The following RFX1 variants were observed in gnomAD, a reference collection of about 807,000 sequenced individuals.
RFX1 encodes MHC class II regulatory factor RFX1.
In RFX1, 42 loss-of-function variants were observed where a neutral mutation model predicts 119.6. The ratio of observed to expected loss-of-function variants is 0.35; its 90% CI spans 0.27 to 0.45. The LOEUF is 0.45. Among genes scored for constraint, RFX1 ranks in the 20% least tolerant of loss-of-function variants. RFX1 has a pLI of 1.00. For missense variants in RFX1, 1,118 were observed against 1,368.1 expected (o/e 0.82, Z 2.88); for synonymous variants, 628 against 618.5 (o/e 1.02, Z -0.23).
At position 13,963,518 on chromosome 19, in the gene RFX1, C is replaced by G. The variant is rs1324816276; in HGVS notation, c.2570+20G>C. On this transcript the variant is annotated intron_variant, in intron 18 of 20. Coordinates refer to ENST00000254325, the MANE Select transcript of RFX1 (RefSeq NM_002918.5). Reference sequence around the variant, plus strand: ...GGCCTTCCCTGGTGCCGCCCGGACCCGATCCCGCCGCGCGCGCACCTGTAG... The same window carrying G: ...GGCCTTCCCTGGTGCCGCCCGGACCGGATCCCGCCGCGCGCGCACCTGTAG... The G allele has an allele frequency of 9.4e-6, 15 of 1,588,718 alleles. No homozygotes were observed. Among genetic ancestry groups the G allele is most frequent in the South Asian group, 1.1e-5 (1 of 88,836 alleles).
chr19:13,970,661 CAAAAAAAAAA>C (rs1167910642), intron 9 of RFX1, among the ~76,000 whole-genome samples: 1,063 of 25,714 alleles, frequency 0.041, 21 homozygotes, highest in Middle Eastern at 0.13. Flanking sequence ...GACCTTGTCT[CAAAAAAAAAA>C]AAAAAAAAAA....
chr19:13,990,459 T>C lies in RFX1; in HGVS notation c.319+3066A>G, dbSNP rs1048058692. On this transcript the variant is annotated intron_variant, in intron 2 of 20. Coordinates refer to ENST00000254325, the MANE Select transcript of RFX1 (RefSeq NM_002918.5). This position sits in a 1 kb window ranked among gnomAD's most constrained non-coding sequence, Gnocchi z 4.1. Reference sequence around the variant, plus strand: ...ACTTTGGGAGGCTGAAGTGGGAGAATTGTTTGAGGCCAGGAGTTCAAGACC... The same window carrying C: ...ACTTTGGGAGGCTGAAGTGGGAGAACTGTTTGAGGCCAGGAGTTCAAGACC... Among the ~76,000 whole-genome samples, 7 of 152,084 alleles carry C rather than the reference T, an allele frequency of 4.6e-5. No homozygotes were observed. Among genetic ancestry groups the C allele is most frequent in the East Asian group, 1.9e-4 (1 of 5,166 alleles).
intron 2 of RFX1, among the ~76,000 whole-genome samples, chr19:13,987,094 C>G (rs561342605): frequency 6.6e-6 from 1 of 152,242 alleles, no homozygotes; most frequent in Non-Finnish European, 1.5e-5. Context: ...CCCCCTAGAA[C>G]TCCAAGTGAG....
chr19:13,994,199 G>A (rs774649356), intron 1 of RFX1, among the ~76,000 whole-genome samples: 1 of 152,026 alleles, frequency 6.6e-6, no homozygotes, highest in Non-Finnish European at 1.5e-5. Context: ...ACATAGGATC[G>A]CATTTCCCCA....
At position 13,963,295 on chromosome 19, in the gene RFX1, G is replaced by T; in HGVS notation, c.2571-20C>A. On this transcript the variant is annotated intron_variant, in intron 18 of 20. Coordinates refer to ENST00000254325, the MANE Select transcript of RFX1 (RefSeq NM_002918.5). ...ATGGAGCTGGGGATGGAGACGGAGA[G>T]GAGACCGTCAGGCCCCGTCCGGCCC... is the stretch of plus-strand genomic sequence containing the variant. 6.2e-7 allele frequency: 1 copy of T among 1,600,876 alleles called. No individual in the cohort carries two copies. Among genetic ancestry groups the T allele is most frequent in the Non-Finnish European group, 8.5e-7 (1 of 1,176,972 alleles).
In RFX1 at chr19:13,968,916, AGGGCT is replaced by A. The variant is rs1206364998; in HGVS notation, c.1497-27_1497-23del. 6 of 1,514,648 alleles carry A rather than the reference AGGGCT, an allele frequency of 4.0e-6. No individual in the cohort carries two copies. Among genetic ancestry groups the A allele is most frequent in the Non-Finnish European group, 5.4e-6 (6 of 1,120,210 alleles). The allele number at this position is 1,514,648 out of a possible 1,614,324, so 93.8% of individuals were successfully genotyped here. ...GCCCCTGGGAGGGAGGTGGAGGGGA[AGGGCT>A]GGGCTGGGGGTCTGCCGGCTGGCCG... On this transcript the variant is annotated intron_variant, in intron 10 of 20. Transcript: ENST00000254325. This position sits in a 1 kb window ranked among gnomAD's most constrained non-coding sequence, Gnocchi z 5.5.
At position 13,979,466 on chromosome 19, in the gene RFX1, G is replaced by A; in HGVS notation, c.815C>T (p.Pro272Leu). 3 of 1,598,710 alleles carry A rather than the reference G, an allele frequency of 1.9e-6. No homozygotes were observed. In the South Asian group the frequency reaches 3.4e-5, roughly 18 times the overall value. ...VQPLTVQGLQ[P>L]VHVAQEVQQL... ...ACACACCTCTTGAGCCACGTGGACTGGCTGGAGGCCCTGCACGGTCAGCGG... is the reference window on the plus strand; with the variant it reads ...ACACACCTCTTGAGCCACGTGGACTAGCTGGAGGCCCTGCACGGTCAGCGG... The change falls in exon 7 of 21, where the codon CCA becomes CTA. Residue 272 changes from proline to leucine, a missense_variant. By Grantham distance (98) the Pro-to-Leu change is moderately conservative. This residue lies in a region of RFX1 where 542 missense variants were observed against 602.7 expected (regional missense o/e 0.90). Coordinates refer to ENST00000254325, the MANE Select transcript of RFX1 (RefSeq NM_002918.5).
At position 13,962,569 on chromosome 19, in the gene RFX1, C is replaced by T; in HGVS notation, c.*126G>A. ...CATAAGGGAGGAGGGCCCCGGTCTT[C>T]CCTGTCTCGGAGTCCCCCTCCCTGC... On this transcript the variant is annotated 3_prime_UTR_variant, in exon 21 of 21. Transcript: ENST00000254325. The T allele has an allele frequency of 2.6e-6, 2 of 775,648 alleles. No homozygotes were observed. The highest frequency in any genetic ancestry group is 3.9e-6 in the Non-Finnish European group (2 of 511,446). The allele number at this position is 775,648 out of a possible 1,614,324, so 48.0% of individuals were successfully genotyped here.
chr19:13,984,912 T>C (rs1020836728), intron 2 of RFX1, among the ~76,000 whole-genome samples: 8 of 152,102 alleles, frequency 5.3e-5, no homozygotes, highest in African/African-American at 1.9e-4. Context: ...CAGGCTGGAG[T>C]GCAGTAGCAC....
intron 7 of RFX1, 117 bp from the exon 8 acceptor site, chr19:13,978,203 G>A (rs1261567575): frequency 2.9e-6 from 2 of 686,344 alleles, no homozygotes; most frequent in African/African-American, 3.6e-5. Flanking sequence ...GGACCCAAGG[G>A]TGGCTTCTGG....
chr19:13,983,611 A>G lies in RFX1; in HGVS notation c.320-16T>C, dbSNP rs1443322944. The G allele has an allele frequency of 1.3e-6, 2 of 1,576,126 alleles. No individual in the cohort carries two copies. Among genetic ancestry groups the G allele is most frequent in the Non-Finnish European group, 1.7e-6 (2 of 1,162,076 alleles). On this transcript the variant is annotated splice_polypyrimidine_tract_variant and intron_variant, in intron 2 of 20. Coordinates refer to ENST00000254325, the MANE Select transcript of RFX1 (RefSeq NM_002918.5). Reference sequence around the variant, plus strand: ...ATGGCACCTTCTGTGGGGAGGGGCCACCAGGTCAGTTCTTCCTGCTTTCCC... The same window carrying G: ...ATGGCACCTTCTGTGGGGAGGGGCCGCCAGGTCAGTTCTTCCTGCTTTCCC...
intron 2 of RFX1, among the ~76,000 whole-genome samples, chr19:13,983,919 C>A (rs1041505553): frequency 6.6e-6 from 1 of 151,192 alleles, no homozygotes; most frequent in Non-Finnish European, 1.5e-5. Flanking sequence ...TCCCAGCAGA[C>A]GGGACTTGTG....
chr19:14,004,207 T>G (rs1028767018), intron 1 of RFX1, among the ~76,000 whole-genome samples: 1 of 151,812 alleles, frequency 6.6e-6, no homozygotes. Flanking sequence ...GCCTGCTCAG[T>G]TAGCTTTTTT....
intron 8 of RFX1, among the ~76,000 whole-genome samples, chr19:13,975,546 C>G (rs1974229522): frequency 6.6e-6 from 1 of 151,996 alleles, no homozygotes; most frequent in African/African-American, 2.4e-5. Context: ...TGTCACACAT[C>G]AGGTCCAGCT....
In RFX1 at chr19:13,993,578, C is replaced by T. The variant is rs762232183; in HGVS notation, c.266G>A (p.Gly89Asp). ...GGGTGCAGGCGAAGGGGTGGGTGCA[C>T]CGGTTGGCTGCGAGGGTGCGGGTAC... ...PAVPAPSQPTGAPTPSPAPQQ... is the reference protein window; with the variant it reads ...PAVPAPSQPTDAPTPSPAPQQ... Residue 89 changes from glycine to aspartate, a missense_variant, in exon 2 of 21, where the codon GGT (glycine) becomes GAT (aspartate). Around this residue, in one of 5 missense-constraint regions of RFX1, gnomAD observed 542 missense variants for 602.7 expected, o/e 0.90. Transcript: ENST00000254325. 3.1e-6 allele frequency: 5 copies of T among 1,612,888 alleles called. No homozygotes were observed. Among genetic ancestry groups the T allele is most frequent in the South Asian group, 2.2e-5 (2 of 90,874 alleles).
Position 13,990,227 on chromosome 19 carries a change from G to A in RFX1, c.319+3298C>T, listed in dbSNP as rs1974755072. Among the ~76,000 whole-genome samples the A allele has an allele frequency of 6.6e-6, 1 of 152,132 alleles. No individual in the cohort carries two copies. Among genetic ancestry groups the A allele is most frequent in the Non-Finnish European group, 1.5e-5 (1 of 68,030 alleles). On this transcript the variant is annotated intron_variant, in intron 2 of 20. Transcript: ENST00000254325. This position sits in a 1 kb window ranked among gnomAD's most constrained non-coding sequence, Gnocchi z 4.1. Reference sequence around the variant, plus strand: ...GGGCTCCCCGTCCTTTGCTGACAAGGTCAGGGAGATGGGGAGAAGCAGCAG... The same window carrying A: ...GGGCTCCCCGTCCTTTGCTGACAAGATCAGGGAGATGGGGAGAAGCAGCAG...
chr19:13,974,991 C>T (rs1371651201), intron 8 of RFX1, among the ~76,000 whole-genome samples: 1 of 140,976 alleles, frequency 7.1e-6, no homozygotes, highest in Non-Finnish European at 1.5e-5. Flanking sequence ...CTGTAGTGAG[C>T]TGAGATCATG....
rs930222227 is a variant in RFX1, at chr19:13,997,521, G to T, written c.-52-3626C>A. Among the ~76,000 whole-genome samples, 4 of 152,228 alleles carry T rather than the reference G, an allele frequency of 2.6e-5. No homozygotes were observed. In the South Asian group the frequency reaches 8.3e-4, roughly 31 times the overall value. ...TGGCTCTGGCTCCTTCACTGCCCAG[G>T]GCCCTTTAACGCAGTTCCAGGAAAG... is the stretch of plus-strand genomic sequence containing the variant. On this transcript the variant is annotated intron_variant, in intron 1 of 20. Coordinates refer to ENST00000254325, the MANE Select transcript of RFX1 (RefSeq NM_002918.5).
chr19:13,981,197 A>G (rs8100327), intron 5 of RFX1, among the ~76,000 whole-genome samples: 6,082 of 152,304 alleles, frequency 0.04, 424 homozygotes, highest in African/African-American at 0.13. Flanking sequence ...ATAGAGCCCC[A>G]TGTCTGCTCT....
Sources: allele counts gnomAD v4.1 joint callset (sites outside exome capture counted in the v4.1 genomes callset), GRCh38; gene constraint gnomAD v4.1.1; regional missense constraint gnomAD v4.1.1; non-coding constraint Gnocchi (gnomAD v3.1); transcripts MANE v1.5; gene names NCBI Gene and HGNC (gene_info 2026-07-23, HGNC 2026-07-21).